Variants in EDAR observed in about 807,000 individuals in gnomAD.
EDAR encodes the protein tumor necrosis factor receptor superfamily member EDAR.
In EDAR, 38 loss-of-function variants were observed where a neutral mutation model predicts 51.3. That is an observed-to-expected ratio of 0.74 (90% CI 0.57 to 0.97). EDAR has a LOEUF of 0.97. Ranked by LOEUF, EDAR falls within the 50% of genes least tolerant of loss-of-function variation. EDAR has a pLI of 0.00. For missense variants in EDAR, 528 were observed against 595.0 expected (o/e 0.89, Z 1.17); for synonymous variants, 227 against 242.1 (o/e 0.94, Z 0.58).
intron 1 of EDAR, among the ~76,000 whole-genome samples, chr2:108,934,489 G>A (rs1316183187): frequency 1.3e-5 from 2 of 152,230 alleles, no homozygotes; most frequent in Admixed American, 1.3e-4. Flanking sequence ...TTGTGACAGT[G>A]ATGGGGAGAG....
chr2:108,917,892 G>A (rs1697057014), intron 5 of EDAR, among the ~76,000 whole-genome samples: 1 of 152,156 alleles, frequency 6.6e-6, no homozygotes, highest in Admixed American at 6.5e-5. Flanking sequence ...TGGATAATCA[G>A]CCCTGGGTGG....
chr2:108,931,129 C>T (rs1697359087), intron 1 of EDAR, 97 bp from the exon 2 acceptor site: 2 of 967,166 alleles, frequency 2.1e-6, no homozygotes, highest in Admixed American at 3.7e-5. Context: ...AGGTGCCTTC[C>T]AGCAAACAGA....
rs974555751 is a variant in EDAR at position 108,895,859 on chromosome 2, A to G, written c.*1048T>C. The G allele has an allele frequency of 6.6e-6, 1 of 152,252 alleles. No individual in the cohort carries two copies. The highest frequency in any genetic ancestry group is 2.4e-5 in the African/African-American group (1 of 41,460). 9.4% of individuals were successfully genotyped at this position (152,252 alleles called of 1,614,324 possible). On this transcript the variant is annotated 3_prime_UTR_variant, in exon 12 of 12. Coordinates refer to ENST00000258443, the MANE Select transcript of EDAR (RefSeq NM_022336.4). ...AGGCTGAGTCTGAAACTCTCATGCCATGAGGCTAATCCACAAGTCTTAGAT... is the reference window on the plus strand; with the variant it reads ...AGGCTGAGTCTGAAACTCTCATGCCGTGAGGCTAATCCACAAGTCTTAGAT...
Position 108,908,027 on chromosome 2 carries a change from A to C in EDAR, c.804-8T>G. On this transcript the variant is annotated splice_polypyrimidine_tract_variant and splice_region_variant and intron_variant, in intron 9 of 11. Transcript: ENST00000258443. ...GATGAGGCATCGTTCTCGCTGCAAA[A>C]ACAAGAGCGATGGTCATTAGCAGTG... The C allele has an allele frequency of 6.2e-7, 1 of 1,605,852 alleles. No individual in the cohort carries two copies. Among genetic ancestry groups the C allele is most frequent in the South Asian group, 1.1e-5 (1 of 90,564 alleles).
chr2:108,914,655 C>T (rs1243960631), intron 5 of EDAR, among the ~76,000 whole-genome samples: 1 of 152,236 alleles, frequency 6.6e-6, no homozygotes, highest in Admixed American at 6.5e-5. Context: ...GGCCAGACTT[C>T]AGTTTTGCAA....
At chr2:108,903,621 CAA>C (rs1696745415) in intron 11 of EDAR, among the ~76,000 whole-genome samples, 1 of 151,954 alleles carries the variant, frequency 6.6e-6, no homozygotes, top group Admixed American at 6.6e-5. Flanking sequence ...TGATTTTTGA[CAA>C]AGTTTGAAAA....
chr2:108,924,632 T>C (rs1254338766), intron 4 of EDAR, among the ~76,000 whole-genome samples: 1 of 152,196 alleles, frequency 6.6e-6, no homozygotes, highest in Non-Finnish European at 1.5e-5. Flanking sequence ...TGTGGGCTCC[T>C]GCCTTCCTGA....
intron 1 of EDAR, among the ~76,000 whole-genome samples, chr2:108,963,760 C>T (rs934865813): frequency 6.6e-6 from 1 of 152,206 alleles, no homozygotes; most frequent in African/African-American, 2.4e-5. Context: ...GACTGCCTGG[C>T]CTGGGGCCTG....
At chr2:108,979,986 T>TCA (rs57817566) in intron 1 of EDAR, among the ~76,000 whole-genome samples, 31,835 of 151,584 alleles carry the variant, frequency 0.21, 3,529 homozygotes, top group Middle Eastern at 0.29. Flanking sequence ...CTCTGCTTCT[T>TCA]CACTTGAAAA....
intron 1 of EDAR, among the ~76,000 whole-genome samples, chr2:108,966,936 G>GGTTT (rs200541799): frequency 1.7e-4 from 26 of 152,238 alleles, no homozygotes; most frequent in South Asian, 6.2e-4. Context: ...ATTGTGCATG[G>GGTTT]GTTTGTTTGT....
At chr2:108,979,773 C>CTTTG (rs1232065831) in intron 1 of EDAR, among the ~76,000 whole-genome samples, 1 of 152,146 alleles carries the variant, frequency 6.6e-6, no homozygotes, top group Non-Finnish European at 1.5e-5. Context: ...ATGTCACCAG[C>CTTTG]CAAATGGGTC....
chr2:108,959,859 C>G (rs1169364756), intron 1 of EDAR, among the ~76,000 whole-genome samples: 1 of 152,190 alleles, frequency 6.6e-6, no homozygotes, highest in African/African-American at 2.4e-5. Context: ...TCTAAAAATA[C>G]TCGCACATAC....
intron 4 of EDAR, among the ~76,000 whole-genome samples, chr2:108,925,741 C>T (rs1211612618): frequency 6.6e-6 from 1 of 152,116 alleles, no homozygotes; most frequent in African/African-American, 2.4e-5. Context: ...CCTCAGCCTC[C>T]CAAGTAGCTG....
chr2:108,968,453 G>A (rs557329564), intron 1 of EDAR, among the ~76,000 whole-genome samples: 1 of 152,282 alleles, frequency 6.6e-6, no homozygotes, highest in East Asian at 1.9e-4. Context: ...GGGGAGGTTT[G>A]TCCCCAGCAG....
In EDAR at chr2:108,930,186, G is replaced by C. The variant is rs758536902; in HGVS notation, c.108C>G (p.Tyr36Ter). The change falls in exon 3 of 12, where the codon TAC (tyrosine) becomes TAG (stop). Residue 36 changes from tyrosine to a stop codon, truncating the protein, a stop_gained. Transcript: ENST00000258443. LOFTEE classifies it high-confidence loss of function. ...AEYSNCGENE[Y>*]YNQTTGLCQE... The stretch of plus-strand genomic sequence containing the variant: ...GGCACAGCCCCGTAGTCTGGTTGTA[G>C]TACTCGTTCTCACCGCAGTTTGAGT... 13 of 1,613,970 alleles carry C rather than the reference G, an allele frequency of 8.1e-6. No homozygotes were observed. Among genetic ancestry groups the C allele is most frequent in the Non-Finnish European group, 1.1e-5 (13 of 1,180,038 alleles).
intron 1 of EDAR, among the ~76,000 whole-genome samples, chr2:108,966,647 C>G (rs969994279): frequency 6.6e-6 from 1 of 152,230 alleles, no homozygotes; most frequent in Admixed American, 6.5e-5. Flanking sequence ...TTCAGGAACA[C>G]TACTGTGTTT....
At chr2:108,950,695 T>C (rs1002889034) in intron 1 of EDAR, among the ~76,000 whole-genome samples, 4 of 152,230 alleles carry the variant, frequency 2.6e-5, no homozygotes, top group African/African-American at 9.6e-5. Flanking sequence ...TCCACATCCC[T>C]GCCCTTGCTC....
chr2:108,907,501 A>T (rs1377343097), intron 10 of EDAR, among the ~76,000 whole-genome samples: 1 of 152,056 alleles, frequency 6.6e-6, no homozygotes, highest in African/African-American at 2.4e-5. Flanking sequence ...AAAAAAAATT[A>T]GCTGGGTGTG....
intron 5 of EDAR, among the ~76,000 whole-genome samples, chr2:108,916,712 TGGGGGCAAGA>T (rs1697035177): frequency 1.3e-5 from 2 of 151,828 alleles, no homozygotes; most frequent in Non-Finnish European, 2.9e-5. Context: ...GCCGAGGAGG[TGGGGGCAAGA>T]TGGGTGGGAT....
Sources: gnomAD v4.1 joint callset for allele counts (sites outside exome capture counted in the v4.1 genomes callset) on GRCh38, gnomAD v4.1.1 for gene constraint, MANE v1.5 for transcripts, NCBI Gene and HGNC (gene_info 2026-07-23, HGNC 2026-07-21) for gene names.